The following FLVCR1 variants were observed in gnomAD, a reference collection of about 807,000 sequenced individuals.
FLVCR1 encodes FLVCR choline and heme transporter 1, also known as choline/ethanolamine transporter FLVCR1.
A neutral mutation model predicts 53.6 loss-of-function variants in FLVCR1; 34 were observed. The observed-to-expected ratio is 0.63, with a 90% confidence interval of 0.48 to 0.84. The LOEUF (loss-of-function observed/expected upper bound fraction) is 0.84, where lower values mean the gene tolerates loss of function less well. FLVCR1 is among the 40% of genes least tolerant of loss of function. The pLI, the probability that FLVCR1 is intolerant of heterozygous loss-of-function variation, is 0.00. For missense variants in FLVCR1, 677 were observed against 696.7 expected (o/e 0.97, Z 0.32); for synonymous variants, 300 against 286.3 (o/e 1.05, Z -0.48).
At chr1:212,874,518 C>CTTTTTTCCTTT (rs1558113857) in intron 3 of FLVCR1, among the ~76,000 whole-genome samples, 1 of 74,506 alleles carries the variant, frequency 1.3e-5, no homozygotes, top group Non-Finnish European at 3.0e-5. Flanking sequence ...ATTTAATTTT[C>CTTTTTTCCTTT]TTTTTTTCTT....
intron 3 of FLVCR1, among the ~76,000 whole-genome samples, chr1:212,876,359 C>T (rs1385010715): frequency 6.7e-6 from 1 of 149,258 alleles, no homozygotes; most frequent in Non-Finnish European, 1.5e-5. Context: ...CTGCAAAGGA[C>T]ATGATCTCAT....
chr1:212,872,868 A>G, intron 3 of FLVCR1, 50 bp downstream of exon 3: 1 of 1,605,280 alleles, frequency 6.2e-7, no homozygotes. Context: ...GCCTTTCAGC[A>G]TTGTGGATTC....
chr1:212,858,523 C>G lies in FLVCR1; in HGVS notation c.71C>G (p.Pro24Arg). The change falls in exon 1 of 10, where the codon CCG (proline) becomes CGG (arginine). Residue 24 changes from proline to arginine, a missense_variant. Transcript: ENST00000366971. ...PGHPLAKGYL[P>R]LPRGAPVGKE... ...CACCCGCTCGCGAAAGGATACCTCC[C>G]GTTGCCGAGGGGCGCGCCCGTTGGG... 2 of 1,459,654 alleles carry G rather than the reference C, an allele frequency of 1.4e-6. No individual in the cohort carries two copies. The highest frequency in any genetic ancestry group is 1.8e-6 in the Non-Finnish European group (2 of 1,108,312). The allele number at this position is 1,459,654 out of a possible 1,614,324, so 90.4% of individuals were successfully genotyped here.
At chr1:212,874,520 T>TTTTTCC (rs1256876602) in intron 3 of FLVCR1, among the ~76,000 whole-genome samples, 1 of 77,588 alleles carries the variant, frequency 1.3e-5, no homozygotes. Flanking sequence ...TTAATTTTCT[T>TTTTTCC]TTTTTCTTTT....
chr1:212,872,649 T>C, intron 2 of FLVCR1, 29 bp from the exon 3 acceptor site: 1 of 1,503,654 alleles, frequency 6.7e-7, no homozygotes, highest in Non-Finnish European at 9.2e-7. Context: ...ATATTAAATA[T>C]ACATAATCCT....
At chr1:212,886,808 T>TAA (rs1294133111) in intron 5 of FLVCR1, among the ~76,000 whole-genome samples, 1 of 144,092 alleles carries the variant, frequency 6.9e-6, no homozygotes, top group Admixed American at 6.9e-5. Context: ...TCTAAAAAAA[T>TAA]AAAAAAAAAA....
In FLVCR1 at chr1:212,858,736, G is replaced by A. The variant is rs993079513; in HGVS notation, c.284G>A (p.Ser95Asn). Residue 95 changes from serine to asparagine, a missense_variant, in exon 1 of 10, where the codon AGC (serine) becomes AAC (asparagine). Transcript: ENST00000366971. ...GAGAETPGAE[S>N]SPLPLTALSP... The stretch of plus-strand genomic sequence containing the variant: ...GGAGCTGAGACCCCGGGGGCCGAGA[G>A]CAGCCCGCTGCCCCTTACGGCGCTC... 1.9e-6 allele frequency: 3 copies of A among 1,611,542 alleles called. No individual in the cohort carries two copies. The highest frequency in any genetic ancestry group is 2.2e-5 in the South Asian group (2 of 90,896).
chr1:212,886,985 T>G (rs1485602657), intron 5 of FLVCR1, among the ~76,000 whole-genome samples: 1 of 152,136 alleles, frequency 6.6e-6, no homozygotes, highest in Non-Finnish European at 1.5e-5. Context: ...AACTTACCCC[T>G]GTACTTGGAA....
intron 3 of FLVCR1, among the ~76,000 whole-genome samples, chr1:212,875,466 G>C (rs919402511): frequency 3.9e-5 from 6 of 152,172 alleles, no homozygotes; most frequent in African/African-American, 1.4e-4. Flanking sequence ...GAAGAAAATG[G>C]CACCAGCGAG....
intron 2 of FLVCR1, among the ~76,000 whole-genome samples, chr1:212,865,643 A>G (rs1664392659): frequency 6.7e-6 from 1 of 150,112 alleles, no homozygotes; most frequent in African/African-American, 2.5e-5. Flanking sequence ...CCACCATGCC[A>G]GCTAATTTTT....
Position 212,895,531 on chromosome 1 carries a change from C to T in FLVCR1, c.*241C>T, listed in dbSNP as rs552242982. On this transcript the variant is annotated 3_prime_UTR_variant, in exon 10 of 10. Transcript: ENST00000366971. Reference sequence around the variant, plus strand: ...CACTACTGTTTATCTAATTAGTATCCGGTTTTTAGTCTCATATTGTATCTG... The same window carrying T: ...CACTACTGTTTATCTAATTAGTATCTGGTTTTTAGTCTCATATTGTATCTG... The T allele has an allele frequency of 3.5e-5, 18 of 509,188 alleles. 1 individual carries two copies. Among genetic ancestry groups the T allele is most frequent in the South Asian group, 1.4e-4 (6 of 44,124 alleles). 31.5% of individuals were successfully genotyped at this position (509,188 alleles called of 1,614,324 possible). A position where few individuals can be genotyped will look rare whatever the true frequency, so the allele number is the denominator to read the frequency against.
intron 1 of FLVCR1, among the ~76,000 whole-genome samples, chr1:212,863,366 C>T (rs1874417): frequency 0.46 from 70,384 of 151,870 alleles, 17,538 homozygotes; most frequent in Non-Finnish European, 0.56. Context: ...CCGAGGCGGG[C>T]GGATCATGAG....
chr1:212,875,762 AC>A (rs1177805608), intron 3 of FLVCR1, among the ~76,000 whole-genome samples: 2 of 150,460 alleles, frequency 1.3e-5, no homozygotes, highest in East Asian at 2.0e-4. Context: ...AATCGCTTGA[AC>A]CCAGGAGGCA....
At position 212,895,449 on chromosome 1, in the gene FLVCR1, CTTAA is replaced by C. The variant is rs776620760; in HGVS notation, c.*162_*165del. On this transcript the variant is annotated 3_prime_UTR_variant, in exon 10 of 10. Transcript: ENST00000366971. ...CTCTAAATGCATAATTATTATTTTGCTTAATTGTTAAATTAAGGGAAATTTTCTT... is the reference window on the plus strand; with the variant it reads ...CTCTAAATGCATAATTATTATTTTGCTTGTTAAATTAAGGGAAATTTTCTT... The C allele has an allele frequency of 3.0e-6, 2 of 657,788 alleles. No individual in the cohort carries two copies. The highest frequency in any genetic ancestry group is 5.5e-6 in the Non-Finnish European group (2 of 362,688). 40.7% of individuals were successfully genotyped at this position (657,788 alleles called of 1,614,324 possible).
chr1:212,891,671 C>T (rs1364906575), intron 8 of FLVCR1, among the ~76,000 whole-genome samples: 3 of 152,076 alleles, frequency 2.0e-5, no homozygotes, highest in Admixed American at 6.6e-5. Context: ...CTGATTAATA[C>T]CCCCAAATTA....
intron 2 of FLVCR1, among the ~76,000 whole-genome samples, chr1:212,871,325 G>A (rs577794538): frequency 2.2e-3 from 338 of 152,242 alleles, no homozygotes; most frequent in Non-Finnish European, 4.1e-3. Context: ...AAAGTTTTGA[G>A]TCAATACAAA....
At chr1:212,891,908 A>G (rs1003915375) in intron 8 of FLVCR1, among the ~76,000 whole-genome samples, 1 of 152,232 alleles carries the variant, frequency 6.6e-6, no homozygotes, top group Non-Finnish European at 1.5e-5. Context: ...CAAATGATAA[A>G]ACAGCCTATT....
chr1:212,867,692 C>T (rs1409173042), intron 2 of FLVCR1, among the ~76,000 whole-genome samples: 1 of 152,064 alleles, frequency 6.6e-6, no homozygotes, highest in African/African-American at 2.4e-5. Flanking sequence ...AATTAAAATA[C>T]TTTCCTGATT....
At chr1:212,886,235 G>T (rs561412032) in intron 5 of FLVCR1, among the ~76,000 whole-genome samples, 4 of 151,380 alleles carry the variant, frequency 2.6e-5, no homozygotes, top group African/African-American at 9.7e-5. Flanking sequence ...TAGAGACAGT[G>T]TTTCACCATG....
Sources: allele counts gnomAD v4.1 joint callset (sites outside exome capture counted in the v4.1 genomes callset), GRCh38; gene constraint gnomAD v4.1.1; transcripts MANE v1.5; gene names NCBI Gene and HGNC (gene_info 2026-07-23, HGNC 2026-07-21).